DNMT3L: variants seen among roughly 807,000 people sequenced by gnomAD.
DNMT3L encodes the protein DNA methyltransferase 3 like.
In DNMT3L, 33 loss-of-function variants were observed where a neutral mutation model predicts 36.2. The observed-to-expected ratio is 0.91, with a 90% CI of 0.69 to 1.22. The LOEUF is 1.22. Among genes scored for constraint, DNMT3L ranks in the 50% most tolerant of loss-of-function variants. The probability of loss-of-function intolerance (pLI) is 0.00; values close to 1 mark genes in which losing one functional copy is unlikely to be tolerated. For synonymous variants in DNMT3L, 117 were observed against 121.7 expected, an observed-to-expected ratio of 0.96 and a Z score of 0.26; for missense variants, 310 against 303.1, an observed-to-expected ratio of 1.02 and a Z score of -0.17.
In DNMT3L at chr21:44,258,047, T is replaced by C. The variant is rs2146357871; in HGVS notation, c.516+476A>G. Among the ~76,000 whole-genome samples, 1 of 152,350 alleles carries C rather than the reference T, an allele frequency of 6.6e-6. No homozygotes were observed. Among genetic ancestry groups the C allele is most frequent in the African/African-American group, 2.4e-5 (1 of 41,588 alleles). Reference sequence around the variant, plus strand: ...TCGTGATCCTTAACTAAATTACATCTGCAAAAACCCTGTTTCCAAATAAGA... The same window carrying C: ...TCGTGATCCTTAACTAAATTACATCCGCAAAAACCCTGTTTCCAAATAAGA... On this transcript the variant is annotated intron_variant, in intron 6 of 11. Coordinates refer to ENST00000628202, the MANE Select transcript of DNMT3L (RefSeq NM_175867.3). This position sits in a 1 kb window ranked among gnomAD's most constrained non-coding sequence, Gnocchi z 6.2.
rs2040278891 is a variant in DNMT3L, at chr21:44,258,046, CT to C, written c.516+476del. 6.6e-6 allele frequency among the ~76,000 whole-genome samples: 1 copy of C among 152,238 alleles called. No homozygotes were observed. The highest frequency in any genetic ancestry group is 1.5e-5 in the Non-Finnish European group (1 of 68,036). On this transcript the variant is annotated intron_variant, in intron 6 of 11. Coordinates refer to ENST00000628202, the MANE Select transcript of DNMT3L (RefSeq NM_175867.3). The surrounding 1 kb of genome is among the most constrained non-coding windows in gnomAD (Gnocchi z 6.2). ...CTCGTGATCCTTAACTAAATTACAT[CT>C]GCAAAAACCCTGTTTCCAAATAAGA...
intron 6 of DNMT3L, among the ~76,000 whole-genome samples, chr21:44,257,698 AAATAAAT>A (rs1241340965): frequency 1.0e-3 from 40 of 39,604 alleles, no homozygotes; most frequent in Middle Eastern, 0.014. Context: ...AAAAAAAAAT[AAATAAAT>A]AAATAAATAA....
At chr21:44,257,920 C>T (rs2040277637) in intron 6 of DNMT3L, among the ~76,000 whole-genome samples, 1 of 152,134 alleles carries the variant, frequency 6.6e-6, no homozygotes, top group African/African-American at 2.4e-5. Flanking sequence ...TCTCTGCCTC[C>T]ATCATCATGT....
At chr21:44,260,691 C>G (rs1259127778) in intron 3 of DNMT3L, 104 bp downstream of exon 3, 1 of 1,482,880 alleles carries the variant, frequency 6.7e-7, no homozygotes, top group East Asian at 2.3e-5. Flanking sequence ...CTCCTGGGCT[C>G]AAATGATCCT....
Position 44,261,196 on chromosome 21 carries a change from A to C in DNMT3L, c.64T>G (p.Ser22Ala). The change falls in exon 2 of 12, where the codon TCC (serine) becomes GCC (alanine). Residue 22 changes from serine to alanine, a missense_variant. Transcript: ENST00000628202. ...GAAACGGAGCTTGAGAGCTCACTGGATCCCACCAAAATCACGTCCATGCTG... is the reference window on the plus strand; with the variant it reads ...GAAACGGAGCTTGAGAGCTCACTGGCTCCCACCAAAATCACGTCCATGCTG... ...EPSMDVILVG[S>A]SELSSSVSPG... 1 of 1,612,670 alleles carries C rather than the reference A, an allele frequency of 6.2e-7. No homozygotes were observed. The highest frequency in any genetic ancestry group is 8.5e-7 in the Non-Finnish European group (1 of 1,179,878).
At chr21:44,259,093 C>A (rs989962747) in intron 5 of DNMT3L, among the ~76,000 whole-genome samples, 10 of 152,050 alleles carry the variant, frequency 6.6e-5, no homozygotes, top group Non-Finnish European at 1.3e-4. Context: ...AGGAGAGGAG[C>A]CCACGGAGGG....
At chr21:44,257,668 G>C (rs144674336) in intron 6 of DNMT3L, among the ~76,000 whole-genome samples, 3 of 133,010 alleles carry the variant, frequency 2.3e-5, no homozygotes, top group East Asian at 2.1e-4. Context: ...GCGACAGAGC[G>C]AGACTCCGTC....
Position 44,259,722 on chromosome 21 carries a change from C to T in DNMT3L, c.152-11G>A, listed in dbSNP as rs555351710. The T allele has an allele frequency of 4.3e-5, 69 of 1,604,184 alleles. No individual in the cohort carries two copies. Among genetic ancestry groups the T allele is most frequent in the South Asian group, 6.7e-5 (6 of 89,814 alleles). On this transcript the variant is annotated splice_polypyrimidine_tract_variant and intron_variant, in intron 3 of 11. Coordinates refer to ENST00000628202, the MANE Select transcript of DNMT3L (RefSeq NM_175867.3). ...AGCAGATGCAGATGTCTAAAGGAAA[C>T]ATTCAAAGCACACTGTGTTTTCCCA...
At chr21:44,259,610 C>G in intron 4 of DNMT3L, 22 bp downstream of exon 4, 1 of 1,613,156 alleles carries the variant, frequency 6.2e-7, no homozygotes, top group Non-Finnish European at 8.5e-7. Context: ...ATGAGGGAGT[C>G]ACCCCCAGCC....
intron 7 of DNMT3L, 150 bp downstream of exon 7, chr21:44,255,917 T>G: frequency 1.3e-6 from 1 of 751,784 alleles, no homozygotes; most frequent in Non-Finnish European, 2.2e-6. Context: ...AGTGCAGGGT[T>G]AGCATGGGCC....
intron 8 of DNMT3L, among the ~76,000 whole-genome samples, chr21:44,253,281 G>A (rs1340853768): frequency 9.3e-6 from 1 of 107,332 alleles, no homozygotes; most frequent in African/African-American, 3.8e-5. Flanking sequence ...TTCCATGGCC[G>A]AGCTGGAAGA....
intron 5 of DNMT3L, 94 bp downstream of exon 5, chr21:44,259,343 G>T: frequency 1.6e-6 from 2 of 1,269,188 alleles, no homozygotes; most frequent in South Asian, 1.3e-5. Context: ...TCATCCATTT[G>T]GGAAGAAAAT....
chr21:44,261,035 G>A, intron 2 of DNMT3L, 119 bp downstream of exon 2: 1 of 1,402,294 alleles, frequency 7.1e-7, no homozygotes, highest in South Asian at 1.3e-5. Flanking sequence ...GGAACCTCCT[G>A]CCCCAGCCCG....
Position 44,258,663 on chromosome 21 carries a change from C to G in DNMT3L, c.376G>C (p.Val126Leu). The change falls in exon 6 of 12, where the codon GTC (valine) becomes CTC (leucine). Residue 126 changes from valine (V) to leucine (L), a missense_variant. Physicochemically the swap from Val to Leu is conservative, Grantham distance 32. Coordinates refer to ENST00000628202, the MANE Select transcript of DNMT3L (RefSeq NM_175867.3). This position sits in a 1 kb window ranked among gnomAD's most constrained non-coding sequence, Gnocchi z 6.2. ...ACCTTCCCCGAGGTCCCGGGGCCGACCAGGCTATCCACACACTCGAAGCAG... is the reference window on the plus strand; with the variant it reads ...ACCTTCCCCGAGGTCCCGGGGCCGAGCAGGCTATCCACACACTCGAAGCAG... Reference protein sequence around the residue: ...CYCFECVDSLVGPGTSGKVHA... With the variant: ...CYCFECVDSLLGPGTSGKVHA... 1 of 1,612,900 alleles carries G rather than the reference C, an allele frequency of 6.2e-7. No homozygotes were observed. Among genetic ancestry groups the G allele is most frequent in the Non-Finnish European group, 8.5e-7 (1 of 1,179,962 alleles).
Position 44,256,281 on chromosome 21 carries a change from C to T in DNMT3L, c.517-127G>A, listed in dbSNP as rs535841113. ...ACTCACCGGAGACACACATAAGACA[C>T]ACCTGCTGAGGCTGACTGGGCCTGT... is the stretch of plus-strand genomic sequence containing the variant. On this transcript the variant is annotated intron_variant, in intron 6 of 11. Coordinates refer to ENST00000628202, the MANE Select transcript of DNMT3L (RefSeq NM_175867.3). The T allele has an allele frequency of 3.1e-6, 3 of 964,388 alleles. No individual in the cohort carries two copies. The African/African-American group carries it at 4.8e-5, about 16-fold the overall frequency. The allele number at this position is 964,388 out of a possible 1,614,324, so 59.7% of individuals were successfully genotyped here.
At chr21:44,260,686 G>A (rs1181112920) in intron 3 of DNMT3L, 109 bp downstream of exon 3, 2 of 1,432,098 alleles carry the variant, frequency 1.4e-6, no homozygotes, top group Middle Eastern at 1.8e-4. Context: ...TCAAACTCCT[G>A]GGCTCAAATG....
chr21:44,253,544 C>T (rs958885788), intron 8 of DNMT3L, among the ~76,000 whole-genome samples: 5 of 152,110 alleles, frequency 3.3e-5, no homozygotes, highest in Non-Finnish European at 7.4e-5. Flanking sequence ...TGGTGAAACC[C>T]CGTCTCTACT....
intron 6 of DNMT3L, among the ~76,000 whole-genome samples, chr21:44,256,573 C>T (rs888640084): frequency 5.3e-5 from 8 of 151,784 alleles, no homozygotes; most frequent in East Asian, 1.9e-4. Context: ...CACAGGCACC[C>T]GCCACCACGC....
Position 44,259,440 on chromosome 21 carries a change from G to A in DNMT3L, c.341C>T (p.Thr114Ile). Residue 114 changes from threonine to isoleucine, a missense_variant, in exon 5 of 12, where the codon ACC (threonine) becomes ATC (isoleucine). Thr to Ile is a moderately conservative substitution (Grantham distance 89). Transcript: ENST00000628202. The stretch of plus-strand genomic sequence containing the variant: ...CTGGGCAGGCCCCTCGCCTCACCGG[G>A]TGCAATCAGGGTTTCCGCAGATGAG... The part of the protein sequence containing the change: ...TLLICGNPDC[T>I]RCYCFECVDS... 6.2e-7 allele frequency: 1 copy of A among 1,613,574 alleles called. No individual in the cohort carries two copies. The highest frequency in any genetic ancestry group is 8.5e-7 in the Non-Finnish European group (1 of 1,180,000).
Sources: allele counts gnomAD v4.1 joint callset (sites outside exome capture counted in the v4.1 genomes callset), GRCh38; gene constraint gnomAD v4.1.1; non-coding constraint Gnocchi (gnomAD v3.1); transcripts MANE v1.5; gene names NCBI Gene and HGNC (gene_info 2026-07-23, HGNC 2026-07-21).